OR56A3: variants seen among roughly 807,000 people sequenced by gnomAD.
OR56A3 encodes the protein olfactory receptor family 56 subfamily A member 3.
Under a neutral mutation model 17.5 loss-of-function variants are expected in OR56A3, and 23 were observed. That is an observed-to-expected ratio of 1.32 (90% CI 0.95 to 1.87). The LOEUF is 1.87. Among genes scored for constraint, OR56A3 ranks in the 40% most tolerant of loss-of-function variants. The pLI is 0.00. For missense variants in OR56A3, 366 were observed against 380.1 expected, an observed-to-expected ratio of 0.96 and a Z score of 0.31; for synonymous variants, 175 against 150.6, an observed-to-expected ratio of 1.16 and a Z score of -1.19.
At chr11:5,993,356 G>A in the OR56A3 span, among the ~76,000 whole-genome samples, 1 of 152,104 alleles carries the variant, frequency 6.6e-6, no homozygotes, top group Non-Finnish European at 1.5e-5. Flanking sequence ...AGCATAGATG[G>A]TGGGAGGCCT....
chr11:5,944,561 T>C (rs982833382), intron 1 of OR56A3, among the ~76,000 whole-genome samples: 3 of 152,256 alleles, frequency 2.0e-5, no homozygotes, highest in African/African-American at 7.2e-5. Context: ...GGCGTATTCC[T>C]ATTTTCACTG....
Position 5,950,767 on chromosome 11 carries a change from G to A in OR56A3, c.*2473G>A, listed in dbSNP as rs1027904137. On this transcript the variant is annotated 3_prime_UTR_variant, in exon 3 of 3. Transcript: ENST00000641160. Reference sequence around the variant, plus strand: ...GTACTAAGTCTTTGAAACACCCTGAGTATTTTACACTTAACATACATTTTA... The same window carrying A: ...GTACTAAGTCTTTGAAACACCCTGAATATTTTACACTTAACATACATTTTA... The A allele has an allele frequency of 5.3e-5, 8 of 152,078 alleles. No homozygotes were observed. The highest frequency in any genetic ancestry group is 7.4e-5 in the Non-Finnish European group (5 of 67,984). 9.4% of individuals were successfully genotyped at this position (152,078 alleles called of 1,614,324 possible).
the OR56A3 span, among the ~76,000 whole-genome samples, chr11:5,969,185 G>A: frequency 6.6e-6 from 1 of 152,160 alleles, no homozygotes; most frequent in African/African-American, 2.4e-5. Context: ...TGTTCCTATA[G>A]AAAGATAGGC....
chr11:5,947,443 C>T lies in OR56A3; in HGVS notation c.97C>T (p.Leu33=). ...RSPSWQHWLS[L]PLSLLFLLAV... ...CCCCAGCTGGCAGCACTGGCTGTCC[C>T]TGCCCCTCAGCCTCCTTTTCCTCTT... Residue 33 remains leucine, a synonymous_variant, in exon 3 of 3, where the codon CTG becomes TTG. Transcript: ENST00000641160. 6.2e-7 allele frequency: 1 copy of T among 1,614,240 alleles called. No homozygotes were observed.
chr11:5,977,486 T>A, the OR56A3 span, among the ~76,000 whole-genome samples: 1 of 152,244 alleles, frequency 6.6e-6, no homozygotes, highest in Non-Finnish European at 1.5e-5. Context: ...TTTTTTCATA[T>A]GCTTGTTGAC....
the OR56A3 span, among the ~76,000 whole-genome samples, chr11:5,975,558 T>C: frequency 3.9e-5 from 6 of 152,068 alleles, no homozygotes; most frequent in Non-Finnish European, 5.9e-5. Context: ...TATGGCTGCA[T>C]AGTATTCCAT....
chr11:6,020,477 G>A, the OR56A3 span: 3 of 152,050 alleles, frequency 2.0e-5, no homozygotes, highest in Non-Finnish European at 4.4e-5. Context: ...TATCTCCTCT[G>A]ATTTCTTTGA....
At chr11:5,994,982 G>T in the OR56A3 span, 1 of 694,776 alleles carries the variant, frequency 1.4e-6, no homozygotes, top group Non-Finnish European at 2.6e-6. Flanking sequence ...CAGGCGCCCG[G>T]ACCCCAAGCC....
intron 1 of OR56A3, among the ~76,000 whole-genome samples, chr11:5,942,583 TA>T: frequency 6.6e-6 from 1 of 152,210 alleles, no homozygotes; most frequent in South Asian, 2.1e-4. Flanking sequence ...AAACAAAGAA[TA>T]TGCCTACCAG....
downstream of OR56A3, among the ~76,000 whole-genome samples, chr11:5,952,777 G>A (rs1847915017): frequency 6.6e-6 from 1 of 152,140 alleles, no homozygotes; most frequent in African/African-American, 2.4e-5. Flanking sequence ...GTGCCCAACA[G>A]TTTGTTTTCA....
downstream of OR56A3, among the ~76,000 whole-genome samples, chr11:5,954,753 T>C (rs757400423): frequency 1.3e-5 from 2 of 152,164 alleles, no homozygotes; most frequent in Non-Finnish European, 2.9e-5. Context: ...AAACAATTGT[T>C]CCAAGAACTG....
At chr11:6,007,121 T>A in the OR56A3 span, among the ~76,000 whole-genome samples, 1 of 151,958 alleles carries the variant, frequency 6.6e-6, no homozygotes, top group South Asian at 2.1e-4. Flanking sequence ...GCATTGGGAG[T>A]AGAGTGAGGG....
chr11:5,955,821 T>C (rs1847929116), downstream of OR56A3, among the ~76,000 whole-genome samples: 1 of 152,228 alleles, frequency 6.6e-6, no homozygotes, highest in African/African-American at 2.4e-5. Context: ...AGTCTTGTTA[T>C]ACTTGGTCTG....
chr11:5,961,260 A>G, the OR56A3 span, among the ~76,000 whole-genome samples: 1 of 152,270 alleles, frequency 6.6e-6, no homozygotes, highest in Non-Finnish European at 1.5e-5. Flanking sequence ...TGTACCCAAC[A>G]GCTCATTGAG....
chr11:5,995,994 T>C, the OR56A3 span, among the ~76,000 whole-genome samples: 1 of 152,354 alleles, frequency 6.6e-6, no homozygotes. Flanking sequence ...GGTATTTGTC[T>C]TTTTGTCTTA....
At chr11:5,994,569 G>C in the OR56A3 span, 1 of 961,480 alleles carries the variant, frequency 1.0e-6, no homozygotes, top group Non-Finnish European at 1.7e-6. Flanking sequence ...TCTGTCTCCA[G>C]CTGCAGCCGA....
chr11:5,977,693 G>T, the OR56A3 span, among the ~76,000 whole-genome samples: 5 of 152,150 alleles, frequency 3.3e-5, no homozygotes, highest in East Asian at 9.7e-4. Flanking sequence ...AATTTATTTT[G>T]CTGTGCAAAG....
the OR56A3 span, among the ~76,000 whole-genome samples, chr11:5,977,125 CT>C: frequency 6.6e-6 from 1 of 152,130 alleles, no homozygotes; most frequent in East Asian, 1.9e-4. Context: ...TGATGGGCAT[CT>C]GGGTTGATTC....
At chr11:6,021,868 G>A in the OR56A3 span, 3 of 152,102 alleles carry the variant, frequency 2.0e-5, no homozygotes, top group Admixed American at 2.0e-4. Flanking sequence ...TGCTCCTAAA[G>A]CATTCTCGCA....
Sources: gnomAD v4.1 joint callset for allele counts (sites outside exome capture counted in the v4.1 genomes callset) on GRCh38, gnomAD v4.1.1 for gene constraint, MANE v1.5 for transcripts, NCBI Gene and HGNC (gene_info 2026-07-23, HGNC 2026-07-21) for gene names.